MALRD1: variants seen among roughly 807,000 people sequenced by gnomAD.
The protein encoded by MALRD1 is MAM and LDL-receptor class A domain-containing protein 1.
Under a neutral mutation model 242.1 loss-of-function variants are expected in MALRD1, and 247 were observed. That is an observed-to-expected ratio of 1.02 (90% CI 0.92 to 1.13). MALRD1 has a LOEUF of 1.13. Ranked by LOEUF, MALRD1 falls within the 50% of genes most tolerant of loss-of-function variation. The pLI is 0.00. For missense variants in MALRD1, 2,989 were observed against 2,533.1 expected (o/e 1.18, Z -3.86); for synonymous variants, 995 against 866.6 (o/e 1.15, Z -2.60).
intron 36 of MALRD1, among the ~76,000 whole-genome samples, chr10:19,661,714 A>G (rs1248472302): frequency 6.6e-6 from 1 of 152,150 alleles, no homozygotes; most frequent in Non-Finnish European, 1.5e-5. Flanking sequence ...CAGCACACCA[A>G]CATGACACCT....
intron 28 of MALRD1, among the ~76,000 whole-genome samples, chr10:19,396,687 T>C (rs1018238872): frequency 6.6e-6 from 1 of 152,172 alleles, no homozygotes; most frequent in Admixed American, 6.5e-5. Context: ...GTCAGAGAGG[T>C]TATTGTCCCT....
At chr10:19,633,530 T>C (rs11010791) in intron 36 of MALRD1, among the ~76,000 whole-genome samples, 23,650 of 152,004 alleles carry the variant, frequency 0.16, 3,065 homozygotes, top group African/African-American at 0.35. Flanking sequence ...AATATACAAA[T>C]CCTACAGACA....
In MALRD1 at chr10:19,506,694, TG is replaced by T. The variant is rs375673205; in HGVS notation, c.5320+8050del. Among the ~76,000 whole-genome samples the T allele has an allele frequency of 1.4e-4, 21 of 152,216 alleles. No individual in the cohort carries two copies. In the East Asian group the frequency reaches 3.9e-3, roughly 28 times the overall value. Reference sequence around the variant, plus strand: ...TATTGGTTAGATATGATAATAAGTGTGGTTAAATGTAATATGCCAGTAATAA... The same window carrying T: ...TATTGGTTAGATATGATAATAAGTGTGTTAAATGTAATATGCCAGTAATAA... On this transcript the variant is annotated intron_variant, in intron 31 of 39. Coordinates refer to ENST00000454679, the MANE Select transcript of MALRD1 (RefSeq NM_001142308.3).
At chr10:19,491,492 C>A (rs1469134183) in intron 29 of MALRD1, 25 bp from the exon 30 acceptor site, 3 of 1,546,284 alleles carry the variant, frequency 1.9e-6, no homozygotes, top group South Asian at 2.4e-5. Context: ...TGGAATACTG[C>A]TTTTGTTTTT....
chr10:19,517,278 A>G (rs1833678397), intron 31 of MALRD1, among the ~76,000 whole-genome samples: 1 of 152,186 alleles, frequency 6.6e-6, no homozygotes, highest in Non-Finnish European at 1.5e-5. Flanking sequence ...GTAGGGAAAC[A>G]TTCCAGGCCA....
At chr10:19,121,709 A>G (rs929649820) in intron 5 of MALRD1, among the ~76,000 whole-genome samples, 1 of 152,154 alleles carries the variant, frequency 6.6e-6, no homozygotes, top group African/African-American at 2.4e-5. Flanking sequence ...AGAGAAGGGC[A>G]TGGAGAGTTG....
At chr10:19,452,204 C>A (rs563321548) in intron 29 of MALRD1, among the ~76,000 whole-genome samples, 5 of 152,262 alleles carry the variant, frequency 3.3e-5, no homozygotes, top group African/African-American at 1.2e-4. Flanking sequence ...TCAAGGGAAG[C>A]AGAATGATTC....
At chr10:19,138,773 A>G (rs1008982429) in intron 10 of MALRD1, among the ~76,000 whole-genome samples, 2 of 152,148 alleles carry the variant, frequency 1.3e-5, no homozygotes, top group African/African-American at 2.4e-5. Flanking sequence ...CCCCGTAGTA[A>G]ATCATACTTT....
intron 32 of MALRD1, among the ~76,000 whole-genome samples, chr10:19,545,352 A>G (rs1835164761): frequency 6.6e-6 from 1 of 152,186 alleles, no homozygotes; most frequent in Non-Finnish European, 1.5e-5. Flanking sequence ...CTGTAACAGT[A>G]TGTTTTGCTC....
chr10:19,692,647 T>A (rs2131824418), intron 38 of MALRD1, 93 bp downstream of exon 38: 1 of 950,978 alleles, frequency 1.1e-6, no homozygotes, highest in African/African-American at 1.7e-5. Flanking sequence ...TCACTCCATA[T>A]TACATGCAGG....
chr10:19,530,350 A>G (rs1464178337), intron 31 of MALRD1, among the ~76,000 whole-genome samples: 3 of 120,040 alleles, frequency 2.5e-5, no homozygotes, highest in Admixed American at 1.9e-4. Flanking sequence ...TTATATAAAT[A>G]TATAATATTT....
At position 19,120,578 on chromosome 10, in the gene MALRD1, G is replaced by A. The variant is rs75164416; in HGVS notation, c.695-2914G>A. ...TCCATTTATGTGAAATAGCAGAGTCGGCAAATCCATAGAGATAGAAAGCAG... is the reference window on the plus strand; with the variant it reads ...TCCATTTATGTGAAATAGCAGAGTCAGCAAATCCATAGAGATAGAAAGCAG... On this transcript the variant is annotated intron_variant, in intron 5 of 39. Coordinates refer to ENST00000454679, the MANE Select transcript of MALRD1 (RefSeq NM_001142308.3). Among the ~76,000 whole-genome samples, 734 of 152,240 alleles carry A rather than the reference G, an allele frequency of 4.8e-3. 5 individuals carry two copies. Among genetic ancestry groups the A allele is most frequent in the African/African-American group, 0.017 (708 of 41,538 alleles).
At chr10:19,731,621 CA>C (rs1381478158) in intron 39 of MALRD1, among the ~76,000 whole-genome samples, 1 of 152,078 alleles carries the variant, frequency 6.6e-6, no homozygotes, top group Non-Finnish European at 1.5e-5. Flanking sequence ...ACATCCTGCA[CA>C]AAAACTTTGC....
intron 28 of MALRD1, among the ~76,000 whole-genome samples, chr10:19,414,837 G>A (rs188417733): frequency 1.2e-4 from 18 of 152,062 alleles, no homozygotes; most frequent in Non-Finnish European, 2.2e-4. Context: ...TTTATAAATG[G>A]CATAACTTTC....
Position 19,227,609 on chromosome 10 carries a change from T to C in MALRD1, c.2991+17929T>C, listed in dbSNP as rs539454477. Among the ~76,000 whole-genome samples, 714 of 152,114 alleles carry C rather than the reference T, an allele frequency of 4.7e-3. 3 individuals carry two copies. The highest frequency in any genetic ancestry group is 8.1e-3 in the Non-Finnish European group (552 of 67,962). On this transcript the variant is annotated intron_variant, in intron 18 of 39. Transcript: ENST00000454679. ...GATGAAAATGGAAAAAATAGTAAATTGGACTTCATGAAATTAAAACGTTTG... is the reference window on the plus strand; with the variant it reads ...GATGAAAATGGAAAAAATAGTAAATCGGACTTCATGAAATTAAAACGTTTG...
chr10:19,312,714 A>G (rs1842483386), intron 21 of MALRD1, among the ~76,000 whole-genome samples: 1 of 151,366 alleles, frequency 6.6e-6, no homozygotes, highest in Non-Finnish European at 1.5e-5. Context: ...AACTACTTCT[A>G]CACTGCTTTC....
Position 19,205,145 on chromosome 10 carries a change from G to T in MALRD1, c.2458G>T (p.Ala820Ser). The T allele has an allele frequency of 6.4e-7, 1 of 1,550,844 alleles. No homozygotes were observed. Among genetic ancestry groups the T allele is most frequent in the South Asian group, 1.2e-5 (1 of 84,060 alleles). ...TGAAAATTGTACTCTCCCTCTTCCTGCTGAGAGCTGTGAAGGGCTGGATCA... is the reference window on the plus strand; with the variant it reads ...TGAAAATTGTACTCTCCCTCTTCCTTCTGAGAGCTGTGAAGGGCTGGATCA... ...RFENCTLPLP[A>S]ESCEGLDHFW... Residue 820 changes from alanine to serine, a missense_variant, in exon 17 of 40, where the codon GCT becomes TCT. By Grantham distance (99) the Ala-to-Ser change is moderately conservative. Transcript: ENST00000454679.
intron 13 of MALRD1, among the ~76,000 whole-genome samples, chr10:19,169,073 T>TAA (rs1007771238): frequency 6.6e-6 from 1 of 152,174 alleles, no homozygotes; most frequent in African/African-American, 2.4e-5. Context: ...AATAAGCTTT[T>TAA]AAAAAATGAG....
At chr10:19,173,521 C>A (rs1384694193) in intron 13 of MALRD1, among the ~76,000 whole-genome samples, 1 of 152,056 alleles carries the variant, frequency 6.6e-6, no homozygotes, top group African/African-American at 2.4e-5. Context: ...CAAATGCTGT[C>A]TAGTTTCTCT....
Sources: allele counts gnomAD v4.1 joint callset (sites outside exome capture counted in the v4.1 genomes callset), GRCh38; gene constraint gnomAD v4.1.1; transcripts MANE v1.5; gene names NCBI Gene and HGNC (gene_info 2026-07-23, HGNC 2026-07-21).